Variants in ABHD12 observed in about 807,000 individuals in gnomAD.
The protein encoded by ABHD12 is abhydrolase domain containing 12, lysophospholipase, also known as lysophosphatidylserine lipase ABHD12.
In ABHD12, 43 loss-of-function variants were observed where a neutral mutation model predicts 58.3. The ratio of observed to expected loss-of-function variants is 0.74; its 90% CI spans 0.58 to 0.95. ABHD12 has a LOEUF of 0.95. ABHD12 is among the 40% of genes least tolerant of loss of function. The pLI, the probability that ABHD12 is intolerant of heterozygous loss-of-function variation, is 0.00. For missense variants in ABHD12, 539 were observed against 537.2 expected (o/e 1.00, Z -0.03); for synonymous variants, 219 against 211.2 (o/e 1.04, Z -0.32).
At position 25,322,381 on chromosome 20, in the gene ABHD12, A is replaced by ATATATATATATATTTTT; in HGVS notation, c.422+943_422+944insAAAAATATATATATATA. Among the ~76,000 whole-genome samples, 119 of 59,242 alleles carry ATATATATATATATTTTT rather than the reference A, an allele frequency of 2.0e-3. 1 individual carries two copies. The highest frequency in any genetic ancestry group is 8.4e-3 in the African/African-American group (102 of 12,076). The allele number at this position is 59,242 out of a possible 152,430, so 38.9% of individuals were successfully genotyped here. On this transcript the variant is annotated intron_variant, in intron 3 of 12. Transcript: ENST00000339157. Reference sequence around the variant, plus strand: ...GGAAAAGATATATATATATATATATATTTTTTTTTTTTTTTGAGACAAGAG... The same window carrying ATATATATATATATTTTT: ...GGAAAAGATATATATATATATATATATATATATATATATTTTTTTTTTTTTTTTTTTTGAGACAAGAG...
intron 1 of ABHD12, among the ~76,000 whole-genome samples, chr20:25,363,119 G>A (rs565579304): frequency 4.0e-4 from 60 of 151,534 alleles, no homozygotes; most frequent in Admixed American, 7.9e-4. Flanking sequence ...GTAGAGGTGA[G>A]AACAAATAAA....
intron 1 of ABHD12, among the ~76,000 whole-genome samples, chr20:25,387,006 T>G (rs1012942199): frequency 2.0e-5 from 3 of 152,182 alleles, no homozygotes; most frequent in Non-Finnish European, 4.4e-5. Flanking sequence ...TGTTAACAGA[T>G]AAAAGAAGAA....
At chr20:25,303,303 T>A (rs199647522) in intron 11 of ABHD12, 12 of 1,248,808 alleles carry the variant, frequency 9.6e-6, no homozygotes, top group Non-Finnish European at 1.2e-5. Flanking sequence ...ATTTTTCATA[T>A]TCTTGGAGAC....
At chr20:25,326,833 G>A (rs1489680002) in intron 2 of ABHD12, among the ~76,000 whole-genome samples, 1 of 151,928 alleles carries the variant, frequency 6.6e-6, no homozygotes, top group African/African-American at 2.4e-5. Flanking sequence ...TAAATTCTTT[G>A]TGGGCTACAA....
intron 6 of ABHD12, among the ~76,000 whole-genome samples, chr20:25,312,039 T>C (rs1029394570): frequency 6.6e-6 from 1 of 151,986 alleles, no homozygotes; most frequent in Admixed American, 6.5e-5. Context: ...TCGCAGTCAG[T>C]TGCAATGGCT....
Position 25,350,959 on chromosome 20 carries a change from T to TCACA in ABHD12, c.192-11612_192-11609dup, listed in dbSNP as rs61061019. Among the ~76,000 whole-genome samples the TCACA allele has an allele frequency of 6.4e-3, 911 of 142,256 alleles. 4 individuals carry two copies. Among genetic ancestry groups the TCACA allele is most frequent in the East Asian group, 0.028 (118 of 4,246 alleles). 93.3% of individuals were successfully genotyped at this position (142,256 alleles called of 152,430 possible). ...CAGAGGCTTCCATCCTACGAATCCT[T>TCACA]CACACACACACACACACACACACAC... On this transcript the variant is annotated intron_variant, in intron 1 of 12. Transcript: ENST00000339157.
At chr20:25,390,426 G>T in intron 1 of ABHD12, 87 bp downstream of exon 1, 1 of 1,281,780 alleles carries the variant, frequency 7.8e-7, no homozygotes. Flanking sequence ...GGGAGGGGCT[G>T]GGAGGTACCG....
In ABHD12 at chr20:25,334,345, G is replaced by A. The variant is rs1011850104; in HGVS notation, c.316+4882C>T. 2.7e-5 allele frequency among the ~76,000 whole-genome samples: 4 copies of A among 150,448 alleles called. No individual in the cohort carries two copies. In the South Asian group the frequency reaches 6.4e-4, roughly 24 times the overall value. ...GAAGAACATTCCATGCTCATGGGTA[G>A]GAAGAATCAATATCGTGAAAATGGC... On this transcript the variant is annotated intron_variant, in intron 2 of 12. Coordinates refer to ENST00000339157, the MANE Select transcript of ABHD12 (RefSeq NM_001042472.3).
chr20:25,324,764 T>C (rs1430598046), intron 2 of ABHD12, among the ~76,000 whole-genome samples: 1 of 152,264 alleles, frequency 6.6e-6, no homozygotes, highest in Non-Finnish European at 1.5e-5. Flanking sequence ...AGACAGTTCC[T>C]ACCACCAGGG....
rs1326786042 is a variant in ABHD12, at chr20:25,300,698, C to A, written c.*147G>T. ...CTGCAGGCCTGCAGGGGCCTCCCCG[C>A]CTGGGATCTGAGGTGCTCTCCAGGT... On this transcript the variant is annotated 3_prime_UTR_variant, in exon 13 of 13. Coordinates refer to ENST00000339157, the MANE Select transcript of ABHD12 (RefSeq NM_001042472.3). The A allele has an allele frequency of 6.5e-6, 10 of 1,545,090 alleles. No individual in the cohort carries two copies. The highest frequency in any genetic ancestry group is 8.7e-6 in the Non-Finnish European group (10 of 1,149,402).
At chr20:25,365,265 A>G (rs1233133005) in intron 1 of ABHD12, among the ~76,000 whole-genome samples, 1 of 152,204 alleles carries the variant, frequency 6.6e-6, no homozygotes, top group Admixed American at 6.5e-5. Flanking sequence ...GCCCACAGAT[A>G]AGCATTTTTA....
intron 11 of ABHD12, among the ~76,000 whole-genome samples, chr20:25,303,041 G>A (rs1488895285): frequency 6.6e-6 from 1 of 152,206 alleles, no homozygotes; most frequent in Non-Finnish European, 1.5e-5. Flanking sequence ...CAAACACTGA[G>A]GCCCCACAGA....
chr20:25,356,123 G>A (rs1481509999), intron 1 of ABHD12, among the ~76,000 whole-genome samples: 1 of 152,182 alleles, frequency 6.6e-6, no homozygotes, highest in Non-Finnish European at 1.5e-5. Context: ...ATGAAGAAGG[G>A]CATACCCTGA....
At chr20:25,296,731 AGCCAGAGTT>A, downstream of ABHD12, 1 of 672,726 alleles carries the variant, frequency 1.5e-6, no homozygotes, top group Non-Finnish European at 2.4e-6. Context: ...TTGTAAAGGA[AGCCAGAGTT>A]GACAGTACAA....
chr20:25,300,402 C>G lies in ABHD12; in HGVS notation c.*443G>C. 1 of 1,136,126 alleles carries G rather than the reference C, an allele frequency of 8.8e-7. No individual in the cohort carries two copies. The highest frequency in any genetic ancestry group is 1.1e-6 in the Non-Finnish European group (1 of 915,416). The allele number at this position is 1,136,126 out of a possible 1,614,324, so 70.4% of individuals were successfully genotyped here. A position where few individuals can be genotyped will look rare whatever the true frequency, so the allele number is the denominator to read the frequency against. On this transcript the variant is annotated 3_prime_UTR_variant, in exon 13 of 13. Transcript: ENST00000339157. ...AGGGCAGGAGGGGACGATGGAACCACTGGAGTCATTCTGCATGTGCTGGGA... is the reference window on the plus strand; with the variant it reads ...AGGGCAGGAGGGGACGATGGAACCAGTGGAGTCATTCTGCATGTGCTGGGA...
intron 11 of ABHD12, chr20:25,303,115 C>G: frequency 3.1e-6 from 2 of 643,306 alleles, no homozygotes; most frequent in Non-Finnish European, 4.2e-6. Flanking sequence ...AGAAGTTTCT[C>G]TATCAATTTT....
chr20:25,375,099 C>A (rs986660670), intron 1 of ABHD12, among the ~76,000 whole-genome samples: 1 of 152,124 alleles, frequency 6.6e-6, no homozygotes, highest in Non-Finnish European at 1.5e-5. Flanking sequence ...GCAGAAAGAG[C>A]CACACACAGA....
chr20:25,348,511 C>T (rs1483882954), intron 1 of ABHD12, among the ~76,000 whole-genome samples: 3 of 150,700 alleles, frequency 2.0e-5, no homozygotes, highest in Admixed American at 2.0e-4. Context: ...GTCCCAGCTA[C>T]CCGGGAGGCT....
intron 1 of ABHD12, chr20:25,368,880 G>C (rs1027652615): frequency 2.4e-5 from 10 of 424,314 alleles, no homozygotes; most frequent in African/African-American, 4.1e-5. Context: ...TAATTCCAGT[G>C]CTTTGGGAGG....
Sources: allele counts gnomAD v4.1 joint callset (sites outside exome capture counted in the v4.1 genomes callset), GRCh38; gene constraint gnomAD v4.1.1; transcripts MANE v1.5; gene names NCBI Gene and HGNC (gene_info 2026-07-23, HGNC 2026-07-21).